Variants in EXOC5 observed in about 807,000 individuals in gnomAD.
EXOC5 encodes the protein SEC10-like 1.
A neutral mutation model predicts 90.8 loss-of-function variants in EXOC5; 17 were observed. That is an observed-to-expected ratio of 0.19 (90% CI 0.13 to 0.28). The LOEUF is 0.28. Ranked by LOEUF, EXOC5 falls within the 10% of genes least tolerant of loss-of-function variation. EXOC5 has a pLI of 1.00. For synonymous variants in EXOC5, 260 were observed against 270.0 expected, an observed-to-expected ratio of 0.96 and a Z score of 0.36; for missense variants, 569 against 830.6, an observed-to-expected ratio of 0.69 and a Z score of 3.87.
intron 1 of EXOC5, among the ~76,000 whole-genome samples, chr14:57,256,190 T>C (rs1053239758): frequency 6.6e-6 from 1 of 152,084 alleles, no homozygotes; most frequent in East Asian, 1.9e-4. Flanking sequence ...TCAACCATAA[T>C]GATCAGGATG....
At chr14:57,221,069 G>A (rs1883122942) in intron 13 of EXOC5, among the ~76,000 whole-genome samples, 3 of 152,130 alleles carry the variant, frequency 2.0e-5, no homozygotes, top group Non-Finnish European at 4.4e-5. Flanking sequence ...GCAATGAGAA[G>A]ATAATAAGGA....
In EXOC5 at chr14:57,233,883, C is replaced by A; in HGVS notation, c.715G>T (p.Gly239Cys). The A allele has an allele frequency of 6.2e-7, 1 of 1,609,876 alleles. No individual in the cohort carries two copies. The highest frequency in any genetic ancestry group is 2.2e-5 in the East Asian group (1 of 44,718). Residue 239 changes from glycine to cysteine, a missense_variant and splice_region_variant, in exon 9 of 18, where the codon GGT becomes TGT. Gly to Cys is a radical substitution (Grantham distance 159, BLOSUM62 -3). Transcript: ENST00000621441. ...VDVYIKQCQE[G>C]AYLRNDIFED... ...AATATATCATTTCTCAAATAAGCAC[C>A]CTAAACAGCAGAGACATTTTATACA...
intron 1 of EXOC5, among the ~76,000 whole-genome samples, chr14:57,250,141 T>A (rs1442927611): frequency 2.0e-5 from 3 of 152,088 alleles, no homozygotes; most frequent in Non-Finnish European, 4.4e-5. Context: ...TGAGCAAAGA[T>A]CTGTATGCAG....
At chr14:57,244,130 G>A in intron 4 of EXOC5, 35 bp downstream of exon 4, 3 of 1,420,924 alleles carry the variant, frequency 2.1e-6, no homozygotes, top group Non-Finnish European at 3.0e-6. Flanking sequence ...TGTTATTAAT[G>A]CTGTGATTTG....
At chr14:57,237,610 T>C (rs1883701445) in intron 5 of EXOC5, 1 of 378,964 alleles carries the variant, frequency 2.6e-6, no homozygotes, top group Non-Finnish European at 4.8e-6. Flanking sequence ...TTAATGTAGG[T>C]AGGTAGCTGG....
chr14:57,233,670 A>G, intron 9 of EXOC5, 73 bp downstream of exon 9: 2 of 938,204 alleles, frequency 2.1e-6, no homozygotes, highest in Non-Finnish European at 3.2e-6. Flanking sequence ...AATTTTAAAA[A>G]TACTTTTAAA....
intron 12 of EXOC5, among the ~76,000 whole-genome samples, chr14:57,224,187 G>A (rs896663983): frequency 3.3e-5 from 5 of 152,032 alleles, no homozygotes; most frequent in African/African-American, 1.2e-4. Flanking sequence ...GGTGAGGGGT[G>A]GGGATAAAAC....
At chr14:57,234,830 A>T (rs1207349210) in intron 7 of EXOC5, among the ~76,000 whole-genome samples, 1 of 151,900 alleles carries the variant, frequency 6.6e-6, no homozygotes. Flanking sequence ...CTCCCAAAAT[A>T]CTAGGATTAC....
At chr14:57,249,283 C>T (rs1447208925) in intron 1 of EXOC5, among the ~76,000 whole-genome samples, 3 of 152,074 alleles carry the variant, frequency 2.0e-5, no homozygotes, top group African/African-American at 7.2e-5. Context: ...TAAAAAACTT[C>T]ATATAGTAAT....
chr14:57,218,625 A>T (rs1883038722), intron 14 of EXOC5, among the ~76,000 whole-genome samples: 1 of 152,102 alleles, frequency 6.6e-6, no homozygotes, highest in African/African-American at 2.4e-5. Context: ...GCTTTGTGGC[A>T]TAACAGCTCT....
chr14:57,268,769 G>T lies in EXOC5; in HGVS notation c.-121C>A. 6.9e-7 allele frequency: 1 copy of T among 1,458,770 alleles called. No individual in the cohort carries two copies. The highest frequency in any genetic ancestry group is 1.5e-5 in the African/African-American group (1 of 68,862). 90.4% of individuals were successfully genotyped at this position (1,458,770 alleles called of 1,614,324 possible). On this transcript the variant is annotated 5_prime_UTR_variant, in exon 1 of 18. Coordinates refer to ENST00000621441, the MANE Select transcript of EXOC5 (RefSeq NM_006544.4). Reference sequence around the variant, plus strand: ...CCAGCTCCGGCTCCGGGCCGCTGCGGGCTCCCCAGCTCCCCACAGATCCCA... The same window carrying T: ...CCAGCTCCGGCTCCGGGCCGCTGCGTGCTCCCCAGCTCCCCACAGATCCCA...
rs762678258 is a variant in EXOC5, at chr14:57,218,065, A to C, written c.1530T>G (p.Ser510=). The change falls in exon 15 of 18, where the codon TCT becomes TCG. Residue 510 remains serine (S), a synonymous_variant. Coordinates refer to ENST00000621441, the MANE Select transcript of EXOC5 (RefSeq NM_006544.4). ...FNDHLMPLIS[S]SPKLSECLQK... ...GAAGGCATTCAGATAACTTAGGAGA[A>C]GAGCTATTGTATATTTAAAATGGAA... 1.3e-5 allele frequency: 19 copies of C among 1,429,680 alleles called. No homozygotes were observed. The South Asian group carries it at 2.1e-4, about 16-fold the overall frequency. The allele number at this position is 1,429,680 out of a possible 1,614,324, so 88.6% of individuals were successfully genotyped here. A position where few individuals can be genotyped will look rare whatever the true frequency, so the allele number is the denominator to read the frequency against.
chr14:57,211,426 C>A (rs1416965707), intron 15 of EXOC5, among the ~76,000 whole-genome samples: 1 of 129,528 alleles, frequency 7.7e-6, no homozygotes, highest in African/African-American at 5.0e-5. Flanking sequence ...TGGAAATCTT[C>A]AAAGTCACCA....
Position 57,209,689 on chromosome 14 carries a change from G to C in EXOC5, c.1816C>G (p.Leu606Val). 1 of 1,612,468 alleles carries C rather than the reference G, an allele frequency of 6.2e-7. No individual in the cohort carries two copies. Among genetic ancestry groups the C allele is most frequent in the Non-Finnish European group, 8.5e-7 (1 of 1,178,864 alleles). Residue 606 changes from leucine (L) to valine (V), a missense_variant, in exon 17 of 18, where the codon CTT (leucine) becomes GTT (valine). Leu to Val is a conservative substitution (Grantham distance 32). Around this residue, in one of 9 missense-constraint regions of EXOC5, gnomAD observed 122 missense variants for 180.0 expected, o/e 0.68. Coordinates refer to ENST00000621441, the MANE Select transcript of EXOC5 (RefSeq NM_006544.4). ...ATAAGTCGATGAAAACGTACTCCAA[G>C]TTCCATCAAAACTGTATCCACATTC... Reference protein sequence around the residue: ...GKNVDTVLMELGVRFHRLIYE... With the variant: ...GKNVDTVLMEVGVRFHRLIYE...
At chr14:57,226,815 G>A (rs1417759084) in intron 12 of EXOC5, among the ~76,000 whole-genome samples, 1 of 152,116 alleles carries the variant, frequency 6.6e-6, no homozygotes, top group Non-Finnish European at 1.5e-5. Flanking sequence ...CCACAATACT[G>A]TATAACTTAA....
chr14:57,205,901 T>C lies in EXOC5; in HGVS notation c.*2708A>G, dbSNP rs1594641486. On this transcript the variant is annotated 3_prime_UTR_variant, in exon 18 of 18. Coordinates refer to ENST00000621441, the MANE Select transcript of EXOC5 (RefSeq NM_006544.4). ...AATGGGACCAAAAATTGTCCTGGAATGGTCAGGTGGTCATCCATCTAAAGA... is the reference window on the plus strand; with the variant it reads ...AATGGGACCAAAAATTGTCCTGGAACGGTCAGGTGGTCATCCATCTAAAGA... The C allele has an allele frequency of 6.6e-6, 3 of 455,932 alleles. No individual in the cohort carries two copies. In the East Asian group the frequency reaches 2.1e-4, roughly 32 times the overall value. The allele number at this position is 455,932 out of a possible 1,614,324, so 28.2% of individuals were successfully genotyped here.
rs559966456 is a variant in EXOC5, at chr14:57,250,172, G to A, written c.28-2460C>T. ...TGCAGCTAAGTAATAAGCCATCTGCGGGAGGTAGACTCTAAGCACAGGGAA... is the reference window on the plus strand; with the variant it reads ...TGCAGCTAAGTAATAAGCCATCTGCAGGAGGTAGACTCTAAGCACAGGGAA... On this transcript the variant is annotated intron_variant, in intron 1 of 17. Coordinates refer to ENST00000621441, the MANE Select transcript of EXOC5 (RefSeq NM_006544.4). Among the ~76,000 whole-genome samples, 18 of 152,230 alleles carry A rather than the reference G, an allele frequency of 1.2e-4. No homozygotes were observed. The South Asian group carries it at 3.7e-3, about 32-fold the overall frequency.
chr14:57,232,772 C>A (rs1883525501), intron 9 of EXOC5, 23 bp from the exon 10 acceptor site: 4 of 1,095,770 alleles, frequency 3.7e-6, no homozygotes, highest in East Asian at 4.8e-5. Flanking sequence ...GGTTAACATT[C>A]TGTTAATTAG....
At chr14:57,229,180 CTTTAA>C (rs534178652) in intron 12 of EXOC5, among the ~76,000 whole-genome samples, 27 of 152,030 alleles carry the variant, frequency 1.8e-4, no homozygotes, top group Admixed American at 1.3e-3. Flanking sequence ...ATCTGCTCAA[CTTTAA>C]TTTAAAGTTA....
Sources: gnomAD v4.1 joint callset for allele counts (sites outside exome capture counted in the v4.1 genomes callset) on GRCh38, gnomAD v4.1.1 for gene constraint, gnomAD v4.1.1 regional missense constraint, MANE v1.5 for transcripts, NCBI Gene and HGNC (gene_info 2026-07-23, HGNC 2026-07-21) for gene names.